OTUB2: variants seen among roughly 807,000 people sequenced by gnomAD.
OTUB2 encodes OTU deubiquitinase, ubiquitin aldehyde binding 2.
OTUB2 carries 21 observed loss-of-function variants against 25.1 expected under a neutral mutation model. That is an observed-to-expected ratio of 0.84 (90% CI 0.59 to 1.21). OTUB2 has a LOEUF of 1.21. Among genes scored for constraint, OTUB2 ranks in the 50% most tolerant of loss-of-function variants. OTUB2 has a pLI of 0.00. For synonymous variants in OTUB2, 122 were observed against 122.8 expected (o/e 0.99, Z 0.04); for missense variants, 283 against 298.0 (o/e 0.95, Z 0.37).
In OTUB2 at chr14:94,044,735, G is replaced by A; in HGVS notation, c.453G>A (p.Arg151=). 6.2e-7 allele frequency: 1 copy of A among 1,613,744 alleles called. No individual in the cohort carries two copies. The highest frequency in any genetic ancestry group is 8.5e-7 in the Non-Finnish European group (1 of 1,180,028). Residue 151 remains arginine, a synonymous_variant, in exon 5 of 6, where the codon CGG becomes CGA. Transcript: ENST00000203664. The part of the protein sequence containing the change: ...AFIRNRADFF[R]HFIDEEMDIK... ...TCAGGAACCGAGCAGACTTCTTCCG[G>A]CACTTCATTGATGAGGAGATGGACA...
chr14:94,028,247 C>T (rs569632190), intron 1 of OTUB2, among the ~76,000 whole-genome samples: 14 of 152,240 alleles, frequency 9.2e-5, no homozygotes, highest in Non-Finnish European at 1.8e-4. Flanking sequence ...GGGTCTTTTC[C>T]CTTCCCTGCA....
At chr14:94,043,406 C>T (rs1176065162) in intron 3 of OTUB2, among the ~76,000 whole-genome samples, 2 of 152,166 alleles carry the variant, frequency 1.3e-5, no homozygotes, top group Middle Eastern at 6.3e-3. Flanking sequence ...CAGGGCCAGG[C>T]CCAGGCCTGG....
At chr14:94,040,035 T>A (rs1333501609) in intron 3 of OTUB2, among the ~76,000 whole-genome samples, 1 of 152,018 alleles carries the variant, frequency 6.6e-6, no homozygotes, top group Non-Finnish European at 1.5e-5. Context: ...CCCCTACCCG[T>A]GACATAGTAG....
At position 94,027,365 on chromosome 14, in the gene OTUB2, C is replaced by T. The variant is rs371411276; in HGVS notation, c.3+825C>T. Among the ~76,000 whole-genome samples, 525 of 152,338 alleles carry T rather than the reference C, an allele frequency of 3.4e-3. 2 individuals carry two copies. The highest frequency in any genetic ancestry group is 0.012 in the African/African-American group (503 of 41,588). Reference sequence around the variant, plus strand: ...GTGGGGTCAGGCATCCTGCAGGGGACTGGGTGGCATGGCTGCCTAAGACCC... The same window carrying T: ...GTGGGGTCAGGCATCCTGCAGGGGATTGGGTGGCATGGCTGCCTAAGACCC... On this transcript the variant is annotated intron_variant, in intron 1 of 5. Transcript: ENST00000203664.
chr14:94,039,176 T>A, intron 3 of OTUB2, 95 bp downstream of exon 3: 1 of 979,220 alleles, frequency 1.0e-6, no homozygotes, highest in Non-Finnish European at 1.5e-6. Flanking sequence ...TCAGGCTGGT[T>A]AACCCAGAGA....
intron 1 of OTUB2, among the ~76,000 whole-genome samples, chr14:94,030,224 C>T (rs73348110): frequency 6.6e-6 from 1 of 151,842 alleles, no homozygotes; most frequent in Admixed American, 6.6e-5. Flanking sequence ...GTTGGTGCAG[C>T]CTCCCTGGGG....
At chr14:94,035,702 C>T (rs748441103) in intron 1 of OTUB2, among the ~76,000 whole-genome samples, 8 of 152,168 alleles carry the variant, frequency 5.3e-5, no homozygotes, top group South Asian at 2.1e-4. Flanking sequence ...CCAGAAAGGG[C>T]GAAACAGAAT....
chr14:94,044,689 G>A lies in OTUB2; in HGVS notation c.407G>A (p.Arg136His), dbSNP rs1224385450. The change falls in exon 5 of 6, where the codon CGC becomes CAC. Residue 136 changes from arginine (R) to histidine (H), a missense_variant. By Grantham distance (29) the Arg-to-His change is conservative. Coordinates refer to ENST00000203664, the MANE Select transcript of OTUB2 (RefSeq NM_023112.4). ...SASDHIVQFLRLLTSAFIRNR... is the reference protein window; with the variant it reads ...SASDHIVQFLHLLTSAFIRNR... ...TCGGACCACATCGTGCAGTTCCTGC[G>A]CCTGCTCACGTCGGCCTTCATCAGG... 6.2e-6 allele frequency: 10 copies of A among 1,614,148 alleles called. No homozygotes were observed. Among genetic ancestry groups the A allele is most frequent in the Admixed American group, 1.7e-5 (1 of 60,018 alleles).
intron 3 of OTUB2, among the ~76,000 whole-genome samples, 169 bp from the exon 4 acceptor site, chr14:94,043,802 G>A (rs778326823): frequency 6.6e-5 from 10 of 152,238 alleles, no homozygotes; most frequent in Non-Finnish European, 1.5e-4. Context: ...CCAGGGTGGA[G>A]ATGTGCACGG....
intron 3 of OTUB2, 170 bp downstream of exon 3, chr14:94,039,251 G>A: frequency 4.9e-6 from 3 of 613,246 alleles, no homozygotes; most frequent in Non-Finnish European, 8.6e-6. Flanking sequence ...CTGCTGTGGT[G>A]AAGTTGGGGG....
At position 94,038,955 on chromosome 14, in the gene OTUB2, C is replaced by T. The variant is rs1418948089; in HGVS notation, c.100-8C>T. 1 of 1,613,066 alleles carries T rather than the reference C, an allele frequency of 6.2e-7. No individual in the cohort carries two copies. Among genetic ancestry groups the T allele is most frequent in the Non-Finnish European group, 8.5e-7 (1 of 1,179,028 alleles). On this transcript the variant is annotated splice_region_variant and splice_polypyrimidine_tract_variant and intron_variant, in intron 2 of 5. Transcript: ENST00000203664. Reference sequence around the variant, plus strand: ...GCAAATGCCCACATTTCTTTCTGTCCCCCTCAGGAACTCAGCAAAAGGTTC... The same window carrying T: ...GCAAATGCCCACATTTCTTTCTGTCTCCCTCAGGAACTCAGCAAAAGGTTC...
At position 94,029,555 on chromosome 14, in the gene OTUB2, G is replaced by A. The variant is rs188195863; in HGVS notation, c.3+3015G>A. 1.4e-3 allele frequency among the ~76,000 whole-genome samples: 212 copies of A among 152,286 alleles called. 1 individual carries two copies. Among genetic ancestry groups the A allele is most frequent in the African/African-American group, 4.8e-3 (199 of 41,550 alleles). On this transcript the variant is annotated intron_variant, in intron 1 of 5. Coordinates refer to ENST00000203664, the MANE Select transcript of OTUB2 (RefSeq NM_023112.4). ...TCCTCTTTTTATAAGGACACCAGTC[G>A]TATTGAATTAGAGGCCCACCCTACT...
rs747905016 is a variant in OTUB2, at chr14:94,044,699, G to C, written c.417G>C (p.Thr139=). 1 of 1,614,130 alleles carries C rather than the reference G, an allele frequency of 6.2e-7. No homozygotes were observed. The highest frequency in any genetic ancestry group is 1.7e-5 in the Admixed American group (1 of 60,024). ...DHIVQFLRLL[T]SAFIRNRADF... ...TCGTGCAGTTCCTGCGCCTGCTCAC[G>C]TCGGCCTTCATCAGGAACCGAGCAG... Residue 139 remains threonine (T), a synonymous_variant, in exon 5 of 6, where the codon ACG becomes ACC. Transcript: ENST00000203664.
At chr14:94,039,421 C>T (rs1191813948) in intron 3 of OTUB2, 6 of 288,686 alleles carry the variant, frequency 2.1e-5, no homozygotes, top group South Asian at 5.2e-5. Flanking sequence ...AGCTTTGCCC[C>T]GGTGTTCTGC....
intron 1 of OTUB2, among the ~76,000 whole-genome samples, chr14:94,031,745 A>T (rs933780658): frequency 6.6e-6 from 1 of 152,146 alleles, no homozygotes; most frequent in Non-Finnish European, 1.5e-5. Context: ...TCCTTTTCTC[A>T]CTTTGAAATA....
At chr14:94,027,691 G>A (rs1276081415) in intron 1 of OTUB2, among the ~76,000 whole-genome samples, 2 of 152,238 alleles carry the variant, frequency 1.3e-5, no homozygotes, top group Non-Finnish European at 2.9e-5. Flanking sequence ...ACGGCAGCAT[G>A]CTGCCGGGCT....
At chr14:94,038,820 T>A in intron 2 of OTUB2, 143 bp from the exon 3 acceptor site, 2 of 785,242 alleles carry the variant, frequency 2.5e-6, no homozygotes, top group South Asian at 2.7e-5. Context: ...TGAACGAGGG[T>A]GGGAGGCTGA....
Position 94,046,287 on chromosome 14 carries a change from A to G in OTUB2, c.*365A>G. The G allele has an allele frequency of 3.0e-6, 1 of 336,764 alleles. No individual in the cohort carries two copies. The highest frequency in any genetic ancestry group is 5.6e-6 in the Non-Finnish European group (1 of 178,858). 20.9% of individuals were successfully genotyped at this position (336,764 alleles called of 1,614,324 possible). A position where few individuals can be genotyped will look rare whatever the true frequency, so the allele number is the denominator to read the frequency against. On this transcript the variant is annotated 3_prime_UTR_variant, in exon 6 of 6. Coordinates refer to ENST00000203664, the MANE Select transcript of OTUB2 (RefSeq NM_023112.4). ...ATGGGGCCTCTGGTGTCTCTTTACC[A>G]GGGGCAGTGCCTCTCTGCGGGGGAG...
intron 1 of OTUB2, among the ~76,000 whole-genome samples, chr14:94,034,672 A>C (rs922338965): frequency 1.3e-5 from 2 of 152,150 alleles, no homozygotes; most frequent in African/African-American, 2.4e-5. Context: ...ATCACTTCAG[A>C]CCTCTTGGGC....
Sources: allele counts gnomAD v4.1 joint callset (sites outside exome capture counted in the v4.1 genomes callset), GRCh38; gene constraint gnomAD v4.1.1; transcripts MANE v1.5; gene names NCBI Gene and HGNC (gene_info 2026-07-23, HGNC 2026-07-21).